VAV3: variants seen among roughly 807,000 people sequenced by gnomAD.
The protein encoded by VAV3 is guanine nucleotide exchange factor VAV3.
Under a neutral mutation model 131.2 loss-of-function variants are expected in VAV3, and 94 were observed. That is an observed-to-expected ratio of 0.72 (90% CI 0.61 to 0.85). The LOEUF (loss-of-function observed/expected upper bound fraction) is 0.85. Ranked by LOEUF, VAV3 falls within the 40% of genes least tolerant of loss-of-function variation. The pLI is 0.00. For synonymous variants in VAV3, 349 were observed against 342.0 expected, an observed-to-expected ratio of 1.02 and a Z score of -0.22; for missense variants, 939 against 1,002.7, an observed-to-expected ratio of 0.94 and a Z score of 0.86.
At chr1:107,866,771 C>T (rs115878875) in intron 2 of VAV3, among the ~76,000 whole-genome samples, 2,270 of 128,974 alleles carry the variant, frequency 0.018, 42 homozygotes, top group African/African-American at 0.051. Context: ...TGCATTGAGC[C>T]GAGATTGTGT....
intron 1 of VAV3, among the ~76,000 whole-genome samples, chr1:107,910,606 A>G (rs576274148): frequency 6.6e-6 from 1 of 152,318 alleles, no homozygotes; most frequent in South Asian, 2.1e-4. Flanking sequence ...ATTTCATCAC[A>G]ATGGATTTTA....
intron 2 of VAV3, among the ~76,000 whole-genome samples, chr1:107,793,527 ACACAGATGCT>A (rs1666398400): frequency 6.6e-6 from 1 of 152,174 alleles, no homozygotes; most frequent in African/African-American, 2.4e-5. Context: ...ACCACATGGC[ACACAGATGCT>A]CAGTAACTAC....
Position 107,896,939 on chromosome 1 carries a change from G to A in VAV3, c.205-21922C>T, listed in dbSNP as rs868512833. 2.2e-4 allele frequency among the ~76,000 whole-genome samples: 33 copies of A among 152,140 alleles called. 1 individual carries two copies. The Middle Eastern group carries it at 0.014, about 63-fold the overall frequency. The stretch of plus-strand genomic sequence containing the variant: ...AAAGCCCCTCTCCAGAAATAGACAG[G>A]AAAATAAATCTATTCTGTACAAGAC... On this transcript the variant is annotated intron_variant, in intron 1 of 26. Transcript: ENST00000370056.
rs376035220 is a variant in VAV3, at chr1:107,922,877, G to A, written c.204+41789C>T. On this transcript the variant is annotated intron_variant, in intron 1 of 26. Transcript: ENST00000370056. The stretch of plus-strand genomic sequence containing the variant: ...TGAGGCGGGAGAATGGCGTGAACCC[G>A]GGAGGCGGAGCTTGCAGTGAGCCGA... 1.4e-4 allele frequency among the ~76,000 whole-genome samples: 21 copies of A among 151,646 alleles called. No homozygotes were observed. In the East Asian group the frequency reaches 1.6e-3, roughly 11 times the overall value.
intron 19 of VAV3, among the ~76,000 whole-genome samples, chr1:107,681,069 T>C (rs979240165): frequency 3.3e-5 from 5 of 152,178 alleles, no homozygotes; most frequent in African/African-American, 4.8e-5. Context: ...AAAAGGGCTA[T>C]AGAGAATATA....
At chr1:107,709,103 A>G (rs1169620788) in intron 15 of VAV3, among the ~76,000 whole-genome samples, 2 of 152,114 alleles carry the variant, frequency 1.3e-5, no homozygotes, top group Non-Finnish European at 2.9e-5. Flanking sequence ...CCTCCATAAC[A>G]CTTTATGTAA....
chr1:107,640,235 A>G (rs1655242505), intron 20 of VAV3, among the ~76,000 whole-genome samples: 1 of 152,202 alleles, frequency 6.6e-6, no homozygotes, highest in East Asian at 1.9e-4. Context: ...TCAACAGGTT[A>G]ACGGGTAAAC....
At chr1:107,955,506 G>A (rs764950920) in intron 1 of VAV3, among the ~76,000 whole-genome samples, 32 of 151,974 alleles carry the variant, frequency 2.1e-4, no homozygotes, top group African/African-American at 4.3e-4. Flanking sequence ...GAAGGGAGAC[G>A]GATAAGGAAA....
chr1:107,596,963 C>G (rs900521635), intron 24 of VAV3, among the ~76,000 whole-genome samples: 4 of 152,044 alleles, frequency 2.6e-5, no homozygotes, highest in African/African-American at 9.7e-5. Context: ...ACATCTAAAC[C>G]TAATGTAATA....
intron 25 of VAV3, among the ~76,000 whole-genome samples, chr1:107,588,522 A>C (rs1363813959): frequency 6.6e-6 from 1 of 152,212 alleles, no homozygotes; most frequent in Admixed American, 6.5e-5. Flanking sequence ...AGCACTTCCC[A>C]CATGTGAGAT....
chr1:107,801,595 T>C (rs563315773), intron 2 of VAV3, among the ~76,000 whole-genome samples: 4 of 152,288 alleles, frequency 2.6e-5, no homozygotes, highest in African/African-American at 7.2e-5. Context: ...CAACCACTCA[T>C]AGACTATTGA....
chr1:107,817,635 C>A (rs947793992), intron 2 of VAV3, among the ~76,000 whole-genome samples: 4 of 152,068 alleles, frequency 2.6e-5, no homozygotes, highest in African/African-American at 4.8e-5. Flanking sequence ...TGATGCCCAG[C>A]AATGGCCCAG....
At chr1:107,790,420 C>T (rs1009824440) in intron 2 of VAV3, among the ~76,000 whole-genome samples, 2 of 152,184 alleles carry the variant, frequency 1.3e-5, no homozygotes, top group Non-Finnish European at 2.9e-5. Context: ...AGTTGGGAAT[C>T]AGACAAGCAA....
intron 19 of VAV3, among the ~76,000 whole-genome samples, chr1:107,664,050 G>A (rs1321008737): frequency 1.3e-5 from 2 of 150,506 alleles, no homozygotes; most frequent in Non-Finnish European, 2.9e-5. Flanking sequence ...AAATAGGACT[G>A]CTGGCTCATT....
At chr1:107,961,285 T>C (rs1675070234) in intron 1 of VAV3, among the ~76,000 whole-genome samples, 3 of 152,196 alleles carry the variant, frequency 2.0e-5, no homozygotes, top group African/African-American at 4.8e-5. Flanking sequence ...GGGGTGGTTA[T>C]AGGCATTCAT....
chr1:107,932,815 T>G (rs1183521007), intron 1 of VAV3, among the ~76,000 whole-genome samples: 2 of 152,204 alleles, frequency 1.3e-5, no homozygotes, highest in Non-Finnish European at 2.9e-5. Flanking sequence ...GGGCAAAGAA[T>G]CCAGGTGGCC....
chr1:107,642,662 G>T lies in VAV3; in HGVS notation c.1871C>A (p.Thr624Asn). 1 of 1,613,268 alleles carries T rather than the reference G, an allele frequency of 6.2e-7. No individual in the cohort carries two copies. The highest frequency in any genetic ancestry group is 1.1e-5 in the South Asian group (1 of 90,992). ...TGCATCTCCTTTCAGAAGTTCAACG[G>T]TATCCCCGGCCTGGAGCTGTAAAGG... ...GPPLQLQAGD[T>N]VELLKGDAHS... The change falls in exon 20 of 27, where the codon ACC becomes AAC. Residue 624 changes from threonine (T) to asparagine (N), a missense_variant. Transcript: ENST00000370056.
At chr1:107,760,965 A>G (rs1664378044) in intron 9 of VAV3, 86 bp from the exon 10 acceptor site, 1 of 777,300 alleles carries the variant, frequency 1.3e-6, no homozygotes, top group East Asian at 2.8e-5. Context: ...TTATTATACA[A>G]TAAATGAGTG....
At chr1:107,717,611 T>G (rs565617418) in intron 15 of VAV3, among the ~76,000 whole-genome samples, 1 of 152,188 alleles carries the variant, frequency 6.6e-6, no homozygotes, top group Non-Finnish European at 1.5e-5. Flanking sequence ...GACAGTTTGT[T>G]GTGATTTCTG....
Sources: gnomAD v4.1 joint callset for allele counts (sites outside exome capture counted in the v4.1 genomes callset) on GRCh38, gnomAD v4.1.1 for gene constraint, MANE v1.5 for transcripts, NCBI Gene and HGNC (gene_info 2026-07-23, HGNC 2026-07-21) for gene names.